The following CELF1 variants were observed in gnomAD, a reference collection of about 807,000 sequenced individuals.
The protein encoded by CELF1 is 50 kDa nuclear polyadenylated RNA-binding protein.
In CELF1, 10 loss-of-function variants were observed where a neutral mutation model predicts 61.8. That is an observed-to-expected ratio of 0.16 (90% CI 0.10 to 0.27). The LOEUF is 0.27. Among genes scored for constraint, CELF1 ranks in the 10% least tolerant of loss-of-function variants. CELF1 has a pLI of 1.00. For synonymous variants in CELF1, 236 were observed against 225.1 expected, an observed-to-expected ratio of 1.05 and a Z score of -0.43; for missense variants, 380 against 639.1, an observed-to-expected ratio of 0.59 and a Z score of 4.37.
In CELF1 at chr11:47,504,729, C is replaced by T. The variant is rs2094326715; in HGVS notation, c.-153-3797G>A. The stretch of plus-strand genomic sequence containing the variant: ...CCAGTTTGATCAACATGGTGAAACC[C>T]CATCTCTACTAAAAATACAAAAATT... On this transcript the variant is annotated intron_variant, in intron 1 of 14. Coordinates refer to ENST00000687097, the MANE Select transcript of CELF1 (RefSeq NM_001376376.1). Among the ~76,000 whole-genome samples the T allele has an allele frequency of 1.3e-5, 2 of 150,944 alleles. 1 individual carries two copies. The highest frequency in any genetic ancestry group is 4.2e-4 in the South Asian group (2 of 4,768).
chr11:47,539,973 T>A (rs550161675), intron 1 of CELF1, among the ~76,000 whole-genome samples: 1 of 152,308 alleles, frequency 6.6e-6, no homozygotes, highest in Admixed American at 6.5e-5. Context: ...AAGACTTGAA[T>A]CTCAGTTCTA....
chr11:47,477,252 C>G (rs1003179315), intron 11 of CELF1, 45 bp downstream of exon 11: 2 of 1,602,852 alleles, frequency 1.2e-6, no homozygotes, highest in Non-Finnish European at 1.7e-6. Context: ...CACAAAGCAT[C>G]TGTCCAAGGC....
chr11:47,555,709 A>T (rs186728305), upstream of CELF1, among the ~76,000 whole-genome samples: 198 of 152,212 alleles, frequency 1.3e-3, 2 homozygotes, highest in African/African-American at 4.0e-3. Context: ...TATTTTTTTT[A>T]AAAAATAGCC....
At chr11:47,544,493 A>T (rs186492006) in intron 1 of CELF1, among the ~76,000 whole-genome samples, 37 of 152,260 alleles carry the variant, frequency 2.4e-4, no homozygotes, top group Non-Finnish European at 4.4e-4. Flanking sequence ...AGCTATCCTT[A>T]CCAGGCTGTG....
At chr11:47,509,231 G>T (rs906913241) in intron 1 of CELF1, among the ~76,000 whole-genome samples, 3 of 152,172 alleles carry the variant, frequency 2.0e-5, no homozygotes, top group African/African-American at 7.2e-5. Flanking sequence ...TTTCATTTCT[G>T]TGGGGAACCA....
In CELF1 at chr11:47,482,868, C is replaced by T. The variant is rs530841894; in HGVS notation, c.607-12G>A. ...GGTGATGAGCAACCCTGTGAAAAGA[C>T]CATAACGAAAGGGTCAAATTCCTCC... On this transcript the variant is annotated splice_polypyrimidine_tract_variant and intron_variant, in intron 8 of 14. Transcript: ENST00000687097. 10 of 1,607,818 alleles carry T rather than the reference C, an allele frequency of 6.2e-6. No individual in the cohort carries two copies. The highest frequency in any genetic ancestry group is 1.3e-5 in the African/African-American group (1 of 74,782).
intron 1 of CELF1, among the ~76,000 whole-genome samples, chr11:47,534,579 T>G (rs1050830608): frequency 6.6e-6 from 1 of 151,558 alleles, no homozygotes; most frequent in Non-Finnish European, 1.5e-5. Context: ...ATACAAAAAA[T>G]TAGCCGGGCG....
chr11:47,472,134 C>G lies in CELF1; in HGVS notation c.*96G>C. ...GAGTGGCAGGGATCAGGGTCCAGGG[C>G]TGTCAACACACAGCCTCAGGGCTTC... On this transcript the variant is annotated 3_prime_UTR_variant, in exon 15 of 15. Coordinates refer to ENST00000687097, the MANE Select transcript of CELF1 (RefSeq NM_001376376.1). 2.8e-6 allele frequency: 4 copies of G among 1,451,644 alleles called. No individual in the cohort carries two copies. The highest frequency in any genetic ancestry group is 3.8e-6 in the Non-Finnish European group (4 of 1,051,476). The allele number at this position is 1,451,644 out of a possible 1,614,324, so 89.9% of individuals were successfully genotyped here.
At chr11:47,511,012 T>C (rs1412811818) in intron 1 of CELF1, among the ~76,000 whole-genome samples, 3 of 151,682 alleles carry the variant, frequency 2.0e-5, no homozygotes, top group African/African-American at 7.3e-5. Context: ...TGAAACCCTG[T>C]TGCTACCCAA....
upstream of CELF1, chr11:47,557,661 T>C (rs1471651182): frequency 6.8e-6 from 1 of 146,966 alleles, no homozygotes; most frequent in Non-Finnish European, 1.5e-5. Context: ...CACCACTCCT[T>C]AGGCAACCTG....
chr11:47,558,683 TATTA>T (rs1360528251), intron 2 of CELF1, among the ~76,000 whole-genome samples: 2 of 101,846 alleles, frequency 2.0e-5, no homozygotes, highest in African/African-American at 8.5e-5. Context: ...ATATGTAATA[TATTA>T]TATATAATAT....
chr11:47,493,733 G>C (rs2153513164), intron 3 of CELF1, among the ~76,000 whole-genome samples: 1 of 152,060 alleles, frequency 6.6e-6, no homozygotes, highest in South Asian at 2.1e-4. Flanking sequence ...GTGGGGGTGG[G>C]GAGAGATATG....
At chr11:47,489,769 T>C (rs2090029644) in intron 3 of CELF1, among the ~76,000 whole-genome samples, 1 of 152,118 alleles carries the variant, frequency 6.6e-6, no homozygotes, top group African/African-American at 2.4e-5. Flanking sequence ...CCCAAGTTTC[T>C]CTAGTCCTAT....
At chr11:47,511,138 A>G (rs2095121518) in intron 1 of CELF1, among the ~76,000 whole-genome samples, 1 of 152,190 alleles carries the variant, frequency 6.6e-6, no homozygotes, top group Non-Finnish European at 1.5e-5. Flanking sequence ...GTGAGCTGTG[A>G]TGGCACCACT....
chr11:47,520,002 C>T (rs1370735736), intron 1 of CELF1, among the ~76,000 whole-genome samples: 1 of 56,610 alleles, frequency 1.8e-5, no homozygotes, highest in Admixed American at 2.6e-4. Flanking sequence ...TTTACAAAAA[C>T]AAGCTCTTAA....
exon 1 of CELF1, chr11:47,565,431 T>G: frequency 2.4e-6 from 1 of 420,958 alleles, no homozygotes; most frequent in Non-Finnish European, 3.7e-6. Context: ...CGGTCCCTCC[T>G]CCGAGGCCGC....
chr11:47,522,756 G>A (rs2096005254), intron 1 of CELF1, among the ~76,000 whole-genome samples: 1 of 151,546 alleles, frequency 6.6e-6, no homozygotes, highest in East Asian at 1.9e-4. Flanking sequence ...AACCTGGGAG[G>A]TGGAGGCTGC....
rs535624539 is a variant in CELF1 at position 47,481,610 on chromosome 11, T to C, written c.768+1085A>G. Among the ~76,000 whole-genome samples, 7 of 152,338 alleles carry C rather than the reference T, an allele frequency of 4.6e-5. No homozygotes were observed. In the South Asian group the frequency reaches 1.2e-3, roughly 27 times the overall value. ...TATGTGAATATTTTTGTATCATCCATACAAATCTAGTGGTTTCACCATTAA... is the reference window on the plus strand; with the variant it reads ...TATGTGAATATTTTTGTATCATCCACACAAATCTAGTGGTTTCACCATTAA... On this transcript the variant is annotated intron_variant, in intron 9 of 14. Transcript: ENST00000687097.
intron 3 of CELF1, among the ~76,000 whole-genome samples, chr11:47,497,188 T>C (rs1312562197): frequency 6.6e-6 from 1 of 152,204 alleles, no homozygotes; most frequent in Non-Finnish European, 1.5e-5. Context: ...CAATGAGCAG[T>C]ATTTAGAATA....
Sources: gnomAD v4.1 joint callset for allele counts (sites outside exome capture counted in the v4.1 genomes callset) on GRCh38, gnomAD v4.1.1 for gene constraint, MANE v1.5 for transcripts, NCBI Gene and HGNC (gene_info 2026-07-23, HGNC 2026-07-21) for gene names.